Variants in KCNK10 observed in about 807,000 individuals in gnomAD.
KCNK10 encodes the protein potassium channel subfamily K member 10.
Under a neutral mutation model 47.7 loss-of-function variants are expected in KCNK10, and 25 were observed. The observed-to-expected ratio is 0.52, with a 90% CI of 0.38 to 0.73. The LOEUF (loss-of-function observed/expected upper bound fraction) is 0.73. Among genes scored for constraint, KCNK10 ranks in the 30% least tolerant of loss-of-function variants. The pLI, the probability that KCNK10 is intolerant of heterozygous loss-of-function variation, is 0.00. For missense variants in KCNK10, 563 were observed against 714.5 expected (o/e 0.79, Z 2.42); for synonymous variants, 303 against 285.6 (o/e 1.06, Z -0.61).
At chr14:88,213,746 G>A (rs1885530531) in intron 4 of KCNK10, among the ~76,000 whole-genome samples, 1 of 151,040 alleles carries the variant, frequency 6.6e-6, no homozygotes, top group Non-Finnish European at 1.5e-5. Flanking sequence ...AAGCCTTAGG[G>A]AAAACCAGCC....
In KCNK10 at chr14:88,263,274, G is replaced by A. The variant is rs749627443; in HGVS notation, c.330C>T (p.Ile110=). 80 of 1,614,060 alleles carry A rather than the reference G, an allele frequency of 5.0e-5. No individual in the cohort carries two copies. Among genetic ancestry groups the A allele is most frequent in the African/African-American group, 1.2e-4 (9 of 74,934 alleles). Reference sequence around the variant, plus strand: ...GCAGGAATTCCGCCTTCTCCAAGGCGATGGTATTCTTCTGGCTGCTCTCAA... The same window carrying A: ...GCAGGAATTCCGCCTTCTCCAAGGCAATGGTATTCTTCTGGCTGCTCTCAA... The part of the protein sequence containing the change: ...QPFESSQKNT[I]ALEKAEFLRD... Residue 110 remains isoleucine (I), a synonymous_variant, in exon 2 of 7, where the codon ATC becomes ATT. Coordinates refer to ENST00000319231, the MANE Select transcript of KCNK10 (RefSeq NM_138317.3).
rs542943060 is a variant in KCNK10 at position 88,267,871 on chromosome 14, C to G, written c.53-4320G>C. Among the ~76,000 whole-genome samples, 8 of 152,192 alleles carry G rather than the reference C, an allele frequency of 5.3e-5. No individual in the cohort carries two copies. In the South Asian group the frequency reaches 1.7e-3, roughly 32 times the overall value. On this transcript the variant is annotated intron_variant, in intron 1 of 6. Transcript: ENST00000319231. ...CTGATGGTGGTGAAGGTGACAGGAG[C>G]CCTGATGGCCTACTGGGCACTTACT...
rs1884681527 is a variant in KCNK10 at position 88,189,526 on chromosome 14, AG to A, written c.869-1418del. 1.3e-5 allele frequency among the ~76,000 whole-genome samples: 2 copies of A among 152,160 alleles called. 1 individual carries two copies. Among genetic ancestry groups the A allele is most frequent in the South Asian group, 4.1e-4 (2 of 4,832 alleles). On this transcript the variant is annotated intron_variant, in intron 5 of 6. Transcript: ENST00000319231. ...CTATTACCCAGCAAAGATGGTCACT[AG>A]GGTGCGCTAGTGAACAAGGAACAAT...
intron 1 of KCNK10, among the ~76,000 whole-genome samples, chr14:88,281,546 T>C (rs574893787): frequency 3.9e-5 from 6 of 152,174 alleles, no homozygotes; most frequent in African/African-American, 1.2e-4. Flanking sequence ...AACTGAAATA[T>C]CGGCTTTTCA....
At chr14:88,207,924 A>G (rs1885334746) in intron 4 of KCNK10, among the ~76,000 whole-genome samples, 1 of 152,206 alleles carries the variant, frequency 6.6e-6, no homozygotes, top group South Asian at 2.1e-4. Flanking sequence ...TGAGACCAGG[A>G]GGAGGGTACA....
intron 4 of KCNK10, among the ~76,000 whole-genome samples, chr14:88,216,880 G>A (rs1045924770): frequency 3.9e-5 from 6 of 152,176 alleles, no homozygotes; most frequent in African/African-American, 1.4e-4. Flanking sequence ...CTCACGGCAG[G>A]GCGTGGTGGC....
rs373050961 is a variant in KCNK10 at position 88,200,703 on chromosome 14, T to C, written c.682-8293A>G. On this transcript the variant is annotated intron_variant, in intron 4 of 6. Transcript: ENST00000319231. ...GAATATAGCTGAACTCTATAACTTT[T>C]CTATTCCTTTTTTCAATGAGTATTT... Among the ~76,000 whole-genome samples the C allele has an allele frequency of 3.9e-5, 6 of 152,330 alleles. No individual in the cohort carries two copies. The East Asian group carries it at 5.8e-4, about 15-fold the overall frequency.
intron 1 of KCNK10, among the ~76,000 whole-genome samples, chr14:88,269,520 C>A (rs1887351468): frequency 6.6e-6 from 1 of 152,178 alleles, no homozygotes; most frequent in Admixed American, 6.5e-5. Flanking sequence ...TCACTGTAAC[C>A]TCGAATTCCT....
chr14:88,282,909 C>T (rs1887681573), intron 1 of KCNK10, among the ~76,000 whole-genome samples: 1 of 152,216 alleles, frequency 6.6e-6, no homozygotes, highest in South Asian at 2.1e-4. Context: ...AGACACCATT[C>T]ACAGTCGCAT....
intron 2 of KCNK10, among the ~76,000 whole-genome samples, chr14:88,255,099 T>C (rs1886909884): frequency 6.6e-6 from 1 of 152,136 alleles, no homozygotes; most frequent in Non-Finnish European, 1.5e-5. Flanking sequence ...AAACACAATA[T>C]TCCCCACGTG....
chr14:88,320,120 A>G (rs967938135), intron 1 of KCNK10, among the ~76,000 whole-genome samples: 2 of 152,254 alleles, frequency 1.3e-5, no homozygotes, highest in African/African-American at 4.8e-5. Flanking sequence ...AAGGCAGATT[A>G]GTGGTGTCAT....
At position 88,214,434 on chromosome 14, in the gene KCNK10, G is replaced by T. The variant is rs530890614; in HGVS notation, c.681+12941C>A. Among the ~76,000 whole-genome samples, 31 of 152,330 alleles carry T rather than the reference G, an allele frequency of 2.0e-4. No individual in the cohort carries two copies. The South Asian group carries it at 2.1e-3, about 10-fold the overall frequency. The stretch of plus-strand genomic sequence containing the variant: ...GCAGTGGATGGAAGAACAGAGTGGG[G>T]ACTATCTTTGCCTGGCAACTGCTCT... On this transcript the variant is annotated intron_variant, in intron 4 of 6. Transcript: ENST00000319231.
At position 88,185,645 on chromosome 14, in the gene KCNK10, T is replaced by C; in HGVS notation, c.1522A>G (p.Met508Val). The change falls in exon 7 of 7, where the codon ATG becomes GTG. Residue 508 changes from methionine to valine, a missense_variant. By Grantham distance (21) the Met-to-Val change is conservative. Transcript: ENST00000319231. The surrounding 1 kb of genome is among the most constrained non-coding windows in gnomAD (Gnocchi z 4.3). The part of the protein sequence containing the change: ...MCNSDNSSTA[M>V]LTDCIQQHAE... ...TGCTGCTGGATACAGTCCGTCAGCA[T>C]GGCTGTGCTGGAGTTGTCTGAGTTA... 1.9e-6 allele frequency: 3 copies of C among 1,614,222 alleles called. No homozygotes were observed. The highest frequency in any genetic ancestry group is 2.5e-6 in the Non-Finnish European group (3 of 1,180,028).
intron 1 of KCNK10, among the ~76,000 whole-genome samples, chr14:88,291,403 A>T (rs918120058): frequency 6.6e-6 from 1 of 152,250 alleles, no homozygotes; most frequent in South Asian, 2.1e-4. Flanking sequence ...GGATCCATCA[A>T]TGCAGAGCTT....
At chr14:88,240,439 C>T (rs1426606813) in intron 3 of KCNK10, among the ~76,000 whole-genome samples, 2 of 152,096 alleles carry the variant, frequency 1.3e-5, no homozygotes, top group Admixed American at 1.3e-4. Flanking sequence ...ATGAGTAACC[C>T]GAGTTCAACC....
intron 4 of KCNK10, among the ~76,000 whole-genome samples, chr14:88,198,607 A>C (rs1302774903): frequency 1.3e-5 from 2 of 152,214 alleles, no homozygotes; most frequent in African/African-American, 4.8e-5. Flanking sequence ...GAGTGAAGGC[A>C]CAAGACCATT....
At chr14:88,299,186 C>T (rs1235686574) in intron 1 of KCNK10, among the ~76,000 whole-genome samples, 1 of 152,192 alleles carries the variant, frequency 6.6e-6, no homozygotes, top group Non-Finnish European at 1.5e-5. Flanking sequence ...TTAATATCTG[C>T]AAAAGTGTCA....
At chr14:88,313,764 A>G (rs556187676) in intron 1 of KCNK10, among the ~76,000 whole-genome samples, 1 of 152,322 alleles carries the variant, frequency 6.6e-6, no homozygotes, top group East Asian at 1.9e-4. Context: ...CTTATGAGAT[A>G]ATAAATGTTT....
upstream of KCNK10, chr14:88,326,362 C>T: frequency 6.7e-7 from 1 of 1,494,726 alleles, no homozygotes; most frequent in Non-Finnish European, 9.3e-7. Flanking sequence ...TACTGCAATC[C>T]CCCTCCATCC....
Sources: allele counts gnomAD v4.1 joint callset (sites outside exome capture counted in the v4.1 genomes callset), GRCh38; gene constraint gnomAD v4.1.1; non-coding constraint Gnocchi (gnomAD v3.1); transcripts MANE v1.5; gene names NCBI Gene and HGNC (gene_info 2026-07-23, HGNC 2026-07-21).